SLC38A8: variants seen among roughly 807,000 people sequenced by gnomAD.
The protein encoded by SLC38A8 is solute carrier family 38 member 8, also known as amino acid transporter SLC38A8.
In SLC38A8, 65 loss-of-function variants were observed where a neutral mutation model predicts 46.0. The observed-to-expected ratio is 1.41, with a 90% CI of 1.16 to 1.74. The LOEUF (loss-of-function observed/expected upper bound fraction) is 1.74. SLC38A8 is among the 40% of genes most tolerant of loss of function. The pLI is 0.00. For missense variants in SLC38A8, 998 were observed against 567.9 expected, an observed-to-expected ratio of 1.76 and a Z score of -7.70; for synonymous variants, 447 against 243.7, an observed-to-expected ratio of 1.83 and a Z score of -7.77.
At chr16:84,016,210 C>T (rs1321276556) in intron 9 of SLC38A8, among the ~76,000 whole-genome samples, 5 of 152,208 alleles carry the variant, frequency 3.3e-5, no homozygotes. Flanking sequence ...GTGGAACCAT[C>T]CCCATGATTC....
intron 2 of SLC38A8, among the ~76,000 whole-genome samples, chr16:84,038,877 T>G (rs552339003): frequency 6.6e-6 from 1 of 152,364 alleles, no homozygotes; most frequent in Non-Finnish European, 1.5e-5. Flanking sequence ...ATTGTCTGAA[T>G]AGATCACAAT....
chr16:84,027,030 T>C (rs2085172448), intron 6 of SLC38A8, among the ~76,000 whole-genome samples: 2 of 152,218 alleles, frequency 1.3e-5, no homozygotes, highest in Middle Eastern at 3.4e-3. Context: ...GGTATATGCA[T>C]CCTATCTCAA....
At chr16:84,023,066 CTCCT>C (rs2085114629) in intron 6 of SLC38A8, among the ~76,000 whole-genome samples, 177 bp from the exon 7 acceptor site, 1 of 152,092 alleles carries the variant, frequency 6.6e-6, no homozygotes, top group African/African-American at 2.4e-5. Context: ...CTTTCCTTTT[CTCCT>C]TCCTTTCTGC....
chr16:84,033,193 A>T (rs1034116306), intron 4 of SLC38A8, 135 bp downstream of exon 4: 3 of 1,195,384 alleles, frequency 2.5e-6, no homozygotes, highest in Non-Finnish European at 3.6e-6. Context: ...TTACTTGTAT[A>T]ATTTTTTTTT....
At chr16:84,040,644 G>C (rs1005421030) in intron 2 of SLC38A8, among the ~76,000 whole-genome samples, 6 of 152,142 alleles carry the variant, frequency 3.9e-5, no homozygotes, top group African/African-American at 1.4e-4. Flanking sequence ...TGACACACTA[G>C]TCCAAACGCA....
At chr16:84,022,142 A>T (rs1403648219) in intron 7 of SLC38A8, among the ~76,000 whole-genome samples, 2 of 152,212 alleles carry the variant, frequency 1.3e-5, no homozygotes, top group Non-Finnish European at 2.9e-5. Context: ...ACCATAACAC[A>T]CAGGAGTCCA....
chr16:84,010,961 C>A (rs1533077), intron 10 of SLC38A8, among the ~76,000 whole-genome samples: 34,323 of 152,032 alleles, frequency 0.23, 6,482 homozygotes, highest in African/African-American at 0.52. Context: ...TGAGCTTCGT[C>A]ATGTAACCAG....
Position 84,013,052 on chromosome 16 carries a change from C to T in SLC38A8, c.1163G>A (p.Gly388Asp). The T allele has an allele frequency of 6.2e-7, 1 of 1,613,664 alleles. No homozygotes were observed. The stretch of plus-strand genomic sequence containing the variant: ...ACCCATTGCACAGATGAGGCACAAA[C>T]CTGCAAAAAAGACAGGGTCACCCAC... ...ISSFFIFIFP[G>D]LCLICAMGVE... is the part of the protein sequence containing the mutation. The change falls in exon 10 of 11, where the codon GGT becomes GAT. Residue 388 changes from glycine (G) to aspartate (D), a missense_variant and splice_region_variant. Gly to Asp is a moderately conservative substitution (Grantham distance 94). Coordinates refer to ENST00000299709, the MANE Select transcript of SLC38A8 (RefSeq NM_001080442.3).
intron 9 of SLC38A8, among the ~76,000 whole-genome samples, chr16:84,014,746 C>A (rs1004940998): frequency 6.6e-6 from 1 of 152,216 alleles, no homozygotes; most frequent in Non-Finnish European, 1.5e-5. Flanking sequence ...GTTAGATTCT[C>A]AAGGGACTAC....
At chr16:84,017,728 T>C (rs564893133) in intron 7 of SLC38A8, among the ~76,000 whole-genome samples, 13 of 152,204 alleles carry the variant, frequency 8.5e-5, no homozygotes, top group East Asian at 3.9e-4. Context: ...CAGCTAGTTT[T>C]CGTGGACTGA....
At chr16:84,015,631 T>C (rs16962532) in intron 9 of SLC38A8, among the ~76,000 whole-genome samples, 2 of 152,030 alleles carry the variant, frequency 1.3e-5, no homozygotes, top group Admixed American at 6.5e-5. Flanking sequence ...TAAACGTTCC[T>C]ACGTCAAGAA....
At position 84,019,762 on chromosome 16, in the gene SLC38A8, G is replaced by A. The variant is rs569940161; in HGVS notation, c.806-2475C>T. ...AATCTACTTCCAGGACACAATGGCA[G>A]TGCAGGCAAAAGAAACATTCTCATC... is the stretch of plus-strand genomic sequence containing the variant. On this transcript the variant is annotated intron_variant, in intron 7 of 10. Transcript: ENST00000299709. Among the ~76,000 whole-genome samples, 5 of 152,336 alleles carry A rather than the reference G, an allele frequency of 3.3e-5. No homozygotes were observed. In the East Asian group the frequency reaches 9.6e-4, roughly 29 times the overall value.
rs771961167 is a variant in SLC38A8 at position 84,009,843 on chromosome 16, GCA to G, written c.1247_1248del (p.Val416AlafsTer24). On this transcript the variant is annotated frameshift_variant, in exon 11 of 11. Coordinates refer to ENST00000299709, the MANE Select transcript of SLC38A8 (RefSeq NM_001080442.3). LOFTEE classifies it high-confidence loss of function. ...CCLEVWGVVS[V>X]LVGTFIFGQS... ...TGCCCAAAGATGAAGGTGCCGACCA[GCA>G]CAGAGACCACTCCCCAGACCTCCAG... 6.2e-7 allele frequency: 1 copy of G among 1,614,072 alleles called. No individual in the cohort carries two copies. The highest frequency in any genetic ancestry group is 1.1e-5 in the South Asian group (1 of 91,076).
rs564247365 is a variant in SLC38A8, at chr16:84,018,546, A to T, written c.806-1259T>A. Among the ~76,000 whole-genome samples, 9 of 152,052 alleles carry T rather than the reference A, an allele frequency of 5.9e-5. No individual in the cohort carries two copies. In the East Asian group the frequency reaches 1.7e-3, roughly 30 times the overall value. ...GCCCATTCCCTCTTCTTATAAAGCCACTAGTGCCATGCCCATAACCCATCA... is the reference window on the plus strand; with the variant it reads ...GCCCATTCCCTCTTCTTATAAAGCCTCTAGTGCCATGCCCATAACCCATCA... On this transcript the variant is annotated intron_variant, in intron 7 of 10. Coordinates refer to ENST00000299709, the MANE Select transcript of SLC38A8 (RefSeq NM_001080442.3).
At chr16:84,010,884 AG>A (rs1490105794) in intron 10 of SLC38A8, among the ~76,000 whole-genome samples, 5 of 152,142 alleles carry the variant, frequency 3.3e-5, no homozygotes, top group Non-Finnish European at 7.4e-5. Flanking sequence ...ACGATCTCAG[AG>A]GGGTAGGGGA....
At chr16:84,029,737 A>C (rs1306812848) in intron 5 of SLC38A8, among the ~76,000 whole-genome samples, 186 bp from the exon 6 acceptor site, 1 of 152,176 alleles carries the variant, frequency 6.6e-6, no homozygotes, top group Non-Finnish European at 1.5e-5. Context: ...TAAATGCTGC[A>C]CTTTCTAAAT....
chr16:84,026,018 C>T (rs1037232160), intron 6 of SLC38A8, among the ~76,000 whole-genome samples: 3 of 152,378 alleles, frequency 2.0e-5, no homozygotes, highest in South Asian at 2.1e-4. Flanking sequence ...TGGGGACCTC[C>T]GTGCACCAGC....
intron 8 of SLC38A8, among the ~76,000 whole-genome samples, 158 bp downstream of exon 8, chr16:84,016,982 G>C (rs1050758193): frequency 6.6e-5 from 10 of 152,160 alleles, no homozygotes; most frequent in African/African-American, 2.4e-4. Flanking sequence ...GAGTGACTTT[G>C]GGCAATCTAC....
At chr16:84,017,622 C>G (rs2085045938) in intron 7 of SLC38A8, among the ~76,000 whole-genome samples, 1 of 152,334 alleles carries the variant, frequency 6.6e-6, no homozygotes, top group South Asian at 2.1e-4. Flanking sequence ...CTGTCCATCT[C>G]ACTCCTACGA....
Sources: gnomAD v4.1 joint callset for allele counts (sites outside exome capture counted in the v4.1 genomes callset) on GRCh38, gnomAD v4.1.1 for gene constraint, MANE v1.5 for transcripts, NCBI Gene and HGNC (gene_info 2026-07-23, HGNC 2026-07-21) for gene names.